Variants in SH3PXD2A observed in about 807,000 individuals in gnomAD.
The protein encoded by SH3PXD2A is SH3 and PX domain-containing protein 2A.
SH3PXD2A carries 32 observed loss-of-function variants against 115.2 expected under a neutral mutation model. The ratio of observed to expected loss-of-function variants is 0.28; its 90% CI spans 0.21 to 0.37. The LOEUF is 0.37. Among genes scored for constraint, SH3PXD2A ranks in the 10% least tolerant of loss-of-function variants. SH3PXD2A has a pLI of 1.00. For synonymous variants in SH3PXD2A, 610 were observed against 629.1 expected, an observed-to-expected ratio of 0.97 and a Z score of 0.45; for missense variants, 1,328 against 1,498.7, an observed-to-expected ratio of 0.89 and a Z score of 1.88.
intron 4 of SH3PXD2A, among the ~76,000 whole-genome samples, chr10:103,726,351 T>C (rs962461635): frequency 6.6e-6 from 1 of 152,162 alleles, no homozygotes; most frequent in Non-Finnish European, 1.5e-5. Context: ...GAAATTCTCA[T>C]GAGGGTCGTC....
intron 1 of SH3PXD2A, among the ~76,000 whole-genome samples, chr10:103,801,775 T>C (rs900905395): frequency 6.6e-6 from 1 of 151,754 alleles, no homozygotes; most frequent in African/African-American, 2.4e-5. Flanking sequence ...GTGATCTCGG[T>C]TTACCGCAAC....
chr10:103,774,371 T>C (rs1168693302), intron 2 of SH3PXD2A, among the ~76,000 whole-genome samples: 1 of 152,230 alleles, frequency 6.6e-6, no homozygotes, highest in Non-Finnish European at 1.5e-5. Context: ...TCATTTCAAT[T>C]ATGGCACTTT....
chr10:103,640,569 C>T (rs967520924), intron 8 of SH3PXD2A, among the ~76,000 whole-genome samples: 14 of 152,152 alleles, frequency 9.2e-5, no homozygotes, highest in African/African-American at 2.9e-4. Context: ...GACAAAGAGC[C>T]CTCCAGTCAT....
chr10:103,621,009 G>C (rs548167117), intron 10 of SH3PXD2A, among the ~76,000 whole-genome samples: 1 of 152,278 alleles, frequency 6.6e-6, no homozygotes, highest in South Asian at 2.1e-4. Context: ...CACATGGCAC[G>C]GTGTATGCGT....
At chr10:103,678,231 C>G in intron 6 of SH3PXD2A, 1 of 1,008,566 alleles carries the variant, frequency 9.9e-7, no homozygotes, top group South Asian at 1.3e-5. Context: ...TTTCCTTACC[C>G]CATCCCTCCC....
chr10:103,740,504 C>T (rs915051839), intron 3 of SH3PXD2A, among the ~76,000 whole-genome samples: 2 of 152,168 alleles, frequency 1.3e-5, no homozygotes, highest in African/African-American at 4.8e-5. Context: ...CCTGGGGCCT[C>T]AAGTAGAATC....
intron 2 of SH3PXD2A, among the ~76,000 whole-genome samples, chr10:103,781,689 C>A (rs2038932789): frequency 6.6e-6 from 1 of 152,208 alleles, no homozygotes; most frequent in African/African-American, 2.4e-5. Flanking sequence ...ATTGCTGGAA[C>A]TAAACCATCA....
intron 1 of SH3PXD2A, among the ~76,000 whole-genome samples, chr10:103,806,386 C>G (rs749514894): frequency 6.6e-6 from 1 of 152,038 alleles, no homozygotes; most frequent in African/African-American, 2.4e-5. Context: ...AAATTCCACC[C>G]CAGCCCATGC....
intron 5 of SH3PXD2A, among the ~76,000 whole-genome samples, chr10:103,694,226 C>T (rs1382504883): frequency 6.8e-6 from 1 of 146,582 alleles, no homozygotes; most frequent in Non-Finnish European, 1.5e-5. Context: ...AGTTGCTGCC[C>T]ATCTTTGGTC....
chr10:103,804,892 C>G (rs2134268995), intron 1 of SH3PXD2A, among the ~76,000 whole-genome samples: 1 of 152,224 alleles, frequency 6.6e-6, no homozygotes, highest in Middle Eastern at 3.4e-3. Context: ...ACTCCTAGCT[C>G]CATCTCCCCT....
At chr10:103,817,741 G>T (rs1476539646) in intron 1 of SH3PXD2A, among the ~76,000 whole-genome samples, 1 of 152,182 alleles carries the variant, frequency 6.6e-6, no homozygotes, top group African/African-American at 2.4e-5. Context: ...TTATAAAAAA[G>T]AATGAAGTTC....
chr10:103,640,533 C>T (rs758861336), intron 8 of SH3PXD2A, among the ~76,000 whole-genome samples: 2 of 151,990 alleles, frequency 1.3e-5, no homozygotes, highest in African/African-American at 2.4e-5. Flanking sequence ...ACCAGCTGGC[C>T]GCAGAGAAGG....
At chr10:103,641,127 C>T (rs1402725133) in intron 8 of SH3PXD2A, among the ~76,000 whole-genome samples, 3 of 152,188 alleles carry the variant, frequency 2.0e-5, no homozygotes, top group Non-Finnish European at 4.4e-5. Flanking sequence ...AATGACAGCT[C>T]AAATCTGACA....
chr10:103,680,485 C>T (rs541185802), intron 6 of SH3PXD2A, among the ~76,000 whole-genome samples: 4 of 151,870 alleles, frequency 2.6e-5, no homozygotes, highest in Non-Finnish European at 5.9e-5. Flanking sequence ...CTAGGTTGCC[C>T]AGGCTGGTCT....
At chr10:103,692,319 C>G (rs1008038829) in intron 6 of SH3PXD2A, among the ~76,000 whole-genome samples, 3 of 152,016 alleles carry the variant, frequency 2.0e-5, no homozygotes, top group African/African-American at 4.8e-5. Context: ...TGGCCCGCCT[C>G]TCTCCCTGCC....
intron 7 of SH3PXD2A, among the ~76,000 whole-genome samples, chr10:103,663,892 T>C (rs1428401982): frequency 6.6e-6 from 1 of 152,204 alleles, no homozygotes; most frequent in Non-Finnish European, 1.5e-5. Flanking sequence ...GTGTGCCACA[T>C]ACATTCGCAC....
At chr10:103,616,492 G>T (rs1303280534) in intron 11 of SH3PXD2A, among the ~76,000 whole-genome samples, 5 of 152,192 alleles carry the variant, frequency 3.3e-5, no homozygotes, top group Non-Finnish European at 4.4e-5. Flanking sequence ...TGAAACCCAC[G>T]GGATTGTTTG....
intron 1 of SH3PXD2A, among the ~76,000 whole-genome samples, chr10:103,832,987 C>T (rs1449273426): frequency 1.3e-5 from 2 of 152,192 alleles, no homozygotes; most frequent in African/African-American, 4.8e-5. Context: ...AAAGTGGTTA[C>T]ACCACTTAAA....
At chr10:103,728,352 G>A (rs1294240297) in intron 4 of SH3PXD2A, among the ~76,000 whole-genome samples, 1 of 152,248 alleles carries the variant, frequency 6.6e-6, no homozygotes, top group Non-Finnish European at 1.5e-5. Flanking sequence ...GATAACATTA[G>A]TGTCATCGCT....
Sources: allele counts gnomAD v4.1 joint callset (sites outside exome capture counted in the v4.1 genomes callset), GRCh38; gene constraint gnomAD v4.1.1; transcripts MANE v1.5; gene names NCBI Gene and HGNC (gene_info 2026-07-23, HGNC 2026-07-21).